Variants in AFAP1L1 observed in about 807,000 individuals in gnomAD.
The protein encoded by AFAP1L1 is actin filament associated protein 1 like 1.
Under a neutral mutation model 99.8 loss-of-function variants are expected in AFAP1L1, and 77 were observed. The ratio of observed to expected loss-of-function variants is 0.77; its 90% CI spans 0.64 to 0.93. The LOEUF (loss-of-function observed/expected upper bound fraction) is 0.93. Ranked by LOEUF, AFAP1L1 falls within the 40% of genes least tolerant of loss-of-function variation. The pLI is 0.00. For synonymous variants in AFAP1L1, 373 were observed against 395.3 expected, an observed-to-expected ratio of 0.94 and a Z score of 0.67; for missense variants, 893 against 996.8, an observed-to-expected ratio of 0.90 and a Z score of 1.40.
intron 1 of AFAP1L1, among the ~76,000 whole-genome samples, chr5:149,272,295 C>G (rs951482252): frequency 2.6e-5 from 4 of 152,242 alleles, no homozygotes; most frequent in Admixed American, 2.6e-4. Context: ...GCGAGCTCCT[C>G]CCACCTCATT....
In AFAP1L1 at chr5:149,342,776, G is replaced by A. The variant is rs1757593089; in HGVS notation, c.*2746G>A. Among the ~76,000 whole-genome samples the A allele has an allele frequency of 6.6e-6, 1 of 151,880 alleles. No individual in the cohort carries two copies. Among genetic ancestry groups the A allele is most frequent in the Non-Finnish European group, 1.5e-5 (1 of 68,038 alleles). Reference sequence around the variant, plus strand: ...AAAATACAAAAGTTAGCTGGGCACGGTGGCACATGCCGGTAGTCCCAGCTA... The same window carrying A: ...AAAATACAAAAGTTAGCTGGGCACGATGGCACATGCCGGTAGTCCCAGCTA... On this transcript the variant is annotated 3_prime_UTR_variant, in exon 19 of 19. Transcript: ENST00000296721.
intron 7 of AFAP1L1, among the ~76,000 whole-genome samples, 198 bp downstream of exon 7, chr5:149,307,811 C>CCTTTCTTTCTCTCTCTCTCTCT (rs1756470519): frequency 4.7e-5 from 1 of 21,118 alleles, no homozygotes; most frequent in African/African-American, 1.5e-4. Context: ...ACACCCTGTG[C>CCTTTCTTTCTCTCTCTCTCTCT]CTCTCTTTCT....
chr5:149,274,834 G>A lies in AFAP1L1; in HGVS notation c.16+2850G>A, dbSNP rs190092354. Among the ~76,000 whole-genome samples, 6 of 149,240 alleles carry A rather than the reference G, an allele frequency of 4.0e-5. No individual in the cohort carries two copies. In the East Asian group the frequency reaches 5.9e-4, roughly 15 times the overall value. On this transcript the variant is annotated intron_variant, in intron 1 of 18. Coordinates refer to ENST00000296721, the MANE Select transcript of AFAP1L1 (RefSeq NM_152406.4). ...TGGGAGGTGGAGGTTGCAGTGAGCC[G>A]AGATCGAGCCATTGCACTCCAGCCT...
At chr5:149,332,640 T>A in intron 16 of AFAP1L1, 55 bp from the exon 17 acceptor site, 1 of 1,559,728 alleles carries the variant, frequency 6.4e-7, no homozygotes, top group Non-Finnish European at 8.7e-7. Flanking sequence ...CCTGCCAGAT[T>A]CCCTGACATT....
intron 9 of AFAP1L1, among the ~76,000 whole-genome samples, chr5:149,313,125 TAAA>T (rs765623834): frequency 2.3e-5 from 3 of 129,946 alleles, no homozygotes; most frequent in Admixed American, 7.5e-5. Context: ...AAGCTTCATT[TAAA>T]AAAAAAAAAA....
chr5:149,285,826 G>GTTCTTGGAGACAT (rs1280393959), intron 1 of AFAP1L1, among the ~76,000 whole-genome samples: 2 of 152,142 alleles, frequency 1.3e-5, no homozygotes, highest in African/African-American at 4.8e-5. Context: ...GAGCCCTTCT[G>GTTCTTGGAGACAT]TTCTTGGAGA....
At chr5:149,322,309 A>G (rs1246775213) in intron 14 of AFAP1L1, among the ~76,000 whole-genome samples, 1 of 152,220 alleles carries the variant, frequency 6.6e-6, no homozygotes, top group African/African-American at 2.4e-5. Context: ...AGACAAAAGT[A>G]TCGATGATAA....
At chr5:149,274,603 G>A (rs1453788208) in intron 1 of AFAP1L1, among the ~76,000 whole-genome samples, 4 of 152,210 alleles carry the variant, frequency 2.6e-5, no homozygotes, top group African/African-American at 9.7e-5. Flanking sequence ...TCCAGGCTGG[G>A]CACAGTGGCT....
intron 15 of AFAP1L1, among the ~76,000 whole-genome samples, chr5:149,325,866 A>G (rs1250490192): frequency 6.6e-6 from 1 of 152,220 alleles, no homozygotes; most frequent in African/African-American, 2.4e-5. Flanking sequence ...TTTTAATGGC[A>G]TTAATCCCAT....
In AFAP1L1 at chr5:149,332,718, G is replaced by A. The variant is rs1757289944; in HGVS notation, c.1999G>A (p.Glu667Lys). The A allele has an allele frequency of 1.2e-6, 2 of 1,613,502 alleles. No homozygotes were observed. The highest frequency in any genetic ancestry group is 3.4e-4 in the Middle Eastern group (2 of 5,856). ...SPGAKLKALE[E>K]AVATLEAQCR... ...AGGAGCAAAATTAAAGGCTCTGGAA[G>A]AAGCCGTGGCCACCCTGGAAGCTCA... The change falls in exon 17 of 19, where the codon GAA becomes AAA. Residue 667 changes from glutamate to lysine, a missense_variant. By Grantham distance (56) the Glu-to-Lys change is moderately conservative. Transcript: ENST00000296721.
chr5:149,330,954 A>AT (rs938173386), intron 16 of AFAP1L1, among the ~76,000 whole-genome samples: 2 of 151,850 alleles, frequency 1.3e-5, no homozygotes, highest in East Asian at 3.9e-4. Context: ...TTGCATTAAA[A>AT]TTTTTTTTTA....
In AFAP1L1 at chr5:149,317,804, A is replaced by G; in HGVS notation, c.1343A>G (p.His448Arg). ...CRLKCNTLYF[H>R]KDHMDLRTHV... ...CTGAAGTGCAACACTCTGTATTTCC[A>G]CAAGGATCACATGGACCTGCGAACC... Residue 448 changes from histidine to arginine, a missense_variant, in exon 12 of 19, where the codon CAC (histidine) becomes CGC (arginine). By Grantham distance (29) the His-to-Arg change is conservative. Coordinates refer to ENST00000296721, the MANE Select transcript of AFAP1L1 (RefSeq NM_152406.4). The G allele has an allele frequency of 6.2e-7, 1 of 1,613,868 alleles. No homozygotes were observed. The highest frequency in any genetic ancestry group is 8.5e-7 in the Non-Finnish European group (1 of 1,179,926).
chr5:149,295,013 G>T (rs1375584903), intron 1 of AFAP1L1, among the ~76,000 whole-genome samples: 1 of 152,198 alleles, frequency 6.6e-6, no homozygotes, highest in Non-Finnish European at 1.5e-5. Context: ...GAGATAATGT[G>T]CATTAACTGC....
intron 1 of AFAP1L1, among the ~76,000 whole-genome samples, chr5:149,279,427 C>A (rs1755445323): frequency 6.6e-6 from 1 of 152,192 alleles, no homozygotes; most frequent in Admixed American, 6.5e-5. Context: ...CGCAGCTTGA[C>A]CCTTTTGCAC....
chr5:149,325,747 G>A (rs1209785605), intron 15 of AFAP1L1, among the ~76,000 whole-genome samples: 1 of 152,150 alleles, frequency 6.6e-6, no homozygotes, highest in African/African-American at 2.4e-5. Flanking sequence ...TCTGGAGGCT[G>A]GAAAATCCAA....
intron 4 of AFAP1L1, among the ~76,000 whole-genome samples, chr5:149,301,626 A>G (rs1344707642): frequency 1.3e-5 from 2 of 151,594 alleles, no homozygotes; most frequent in Non-Finnish European, 2.9e-5. Context: ...ACCTCTGCCC[A>G]CCCCCATGAC....
chr5:149,331,492 T>G (rs867236164), intron 16 of AFAP1L1, among the ~76,000 whole-genome samples: 2,535 of 151,478 alleles, frequency 0.017, 32 homozygotes, highest in Non-Finnish European at 0.026. Context: ...TGGCGGCGGG[T>G]GCCTGTAGTC....
intron 1 of AFAP1L1, among the ~76,000 whole-genome samples, chr5:149,291,264 C>G (rs533909554): frequency 6.6e-6 from 1 of 152,230 alleles, no homozygotes; most frequent in East Asian, 1.9e-4. Context: ...CAGGGTGCCT[C>G]ACGCCTGTAA....
chr5:149,307,375 A>C, intron 6 of AFAP1L1, 27 bp from the exon 7 acceptor site: 2 of 1,612,868 alleles, frequency 1.2e-6, no homozygotes, highest in Non-Finnish European at 1.7e-6. Context: ...TGGCACAGTG[A>C]TGGATCCTTT....
Sources: gnomAD v4.1 joint callset for allele counts (sites outside exome capture counted in the v4.1 genomes callset) on GRCh38, gnomAD v4.1.1 for gene constraint, MANE v1.5 for transcripts, NCBI Gene and HGNC (gene_info 2026-07-23, HGNC 2026-07-21) for gene names.